Variants in CHODL observed in about 807,000 individuals in gnomAD.
CHODL encodes the protein chondrolectin.
A neutral mutation model predicts 34.5 loss-of-function variants in CHODL; 29 were observed. The ratio of observed to expected loss-of-function variants is 0.84; its 90% CI spans 0.63 to 1.15. CHODL has a LOEUF of 1.15. Among genes scored for constraint, CHODL ranks in the 50% most tolerant of loss-of-function variants. The probability of loss-of-function intolerance (pLI) is 0.00; values close to 1 mark genes in which losing one functional copy is unlikely to be tolerated. For missense variants in CHODL, 332 were observed against 332.5 expected (o/e 1.00, Z 0.01); for synonymous variants, 125 against 116.1 (o/e 1.08, Z -0.49).
At chr21:18,170,120 G>A (rs2073209526) in intron 2 of CHODL, among the ~76,000 whole-genome samples, 1 of 151,836 alleles carries the variant, frequency 6.6e-6, no homozygotes, top group African/African-American at 2.4e-5. Context: ...TTTGGTGCAT[G>A]TATATTTTCA....
chr21:18,210,764 A>G (rs1385836718), intron 2 of CHODL, among the ~76,000 whole-genome samples: 3 of 152,210 alleles, frequency 2.0e-5, no homozygotes, highest in East Asian at 1.9e-4. Context: ...ACTACTAAAC[A>G]GAAGCAAAAG....
intron 2 of CHODL, among the ~76,000 whole-genome samples, chr21:18,107,812 T>G (rs924986391): frequency 6.6e-6 from 1 of 152,168 alleles, no homozygotes; most frequent in African/African-American, 2.4e-5. Context: ...AAGGAAGAAT[T>G]TTTTTAAAAA....
Position 17,928,364 on chromosome 21 carries a change from G to C in CHODL, c.-145+10964G>C, listed in dbSNP as rs143366550. 7.3e-3 allele frequency among the ~76,000 whole-genome samples: 1,113 copies of C among 152,234 alleles called. 15 individuals are homozygous for C. The highest frequency in any genetic ancestry group is 0.025 in the African/African-American group (1,033 of 41,528). On this transcript the variant is annotated intron_variant, in intron 1 of 6. Coordinates refer to the CHODL transcript ENST00000400127. ...AAGTGCCATGTCCCGGGATTAAAAGGGTTCTGAAAAGGGAAAGTCAATAAG... is the reference window on the plus strand; with the variant it reads ...AAGTGCCATGTCCCGGGATTAAAAGCGTTCTGAAAAGGGAAAGTCAATAAG...
intron 1 of CHODL, among the ~76,000 whole-genome samples, chr21:17,935,953 C>T (rs1265682922): frequency 6.6e-6 from 1 of 152,184 alleles, no homozygotes; most frequent in Admixed American, 6.5e-5. Flanking sequence ...CTCTGAATTG[C>T]AGTTTGCCAT....
At chr21:18,127,665 T>C (rs2072589102) in intron 2 of CHODL, among the ~76,000 whole-genome samples, 3 of 145,114 alleles carry the variant, frequency 2.1e-5, no homozygotes, top group Admixed American at 1.4e-4. Flanking sequence ...CCAGTTGCGT[T>C]GCCATTGTTT....
chr21:18,054,516 A>G (rs2064555214), intron 2 of CHODL, among the ~76,000 whole-genome samples: 1 of 152,022 alleles, frequency 6.6e-6, no homozygotes, highest in African/African-American at 2.4e-5. Flanking sequence ...CAGAAGGATA[A>G]ATACTGTATG....
intron 1 of CHODL, among the ~76,000 whole-genome samples, chr21:17,921,993 G>GA (rs57361687): frequency 0.37 from 55,536 of 151,922 alleles, 10,290 homozygotes; most frequent in South Asian, 0.53. Flanking sequence ...CACAATAAAG[G>GA]AAAGTTATGA....
chr21:17,983,927 CA>C (rs1421752770), intron 1 of CHODL, among the ~76,000 whole-genome samples: 13 of 150,580 alleles, frequency 8.6e-5, no homozygotes, highest in African/African-American at 3.2e-4. Flanking sequence ...GGGGTGGGGG[CA>C]AGAACACTTA....
At chr21:18,020,607 G>A (rs929175753) in intron 1 of CHODL, among the ~76,000 whole-genome samples, 12 of 151,888 alleles carry the variant, frequency 7.9e-5, no homozygotes, top group African/African-American at 2.4e-4. Flanking sequence ...GTTCTTCTTC[G>A]CATAGAAAAC....
At chr21:17,960,352 G>T (rs1044489927) in intron 1 of CHODL, among the ~76,000 whole-genome samples, 2 of 152,124 alleles carry the variant, frequency 1.3e-5, no homozygotes, top group African/African-American at 4.8e-5. Flanking sequence ...TCAGTCAAGG[G>T]TATGTTAGAT....
intron 2 of CHODL, among the ~76,000 whole-genome samples, chr21:18,182,018 G>T (rs936860543): frequency 6.6e-6 from 1 of 151,992 alleles, no homozygotes. Context: ...TAATAATGCT[G>T]CTATGAACAT....
At chr21:18,193,706 AAAAAT>A (rs1342879056) in intron 2 of CHODL, among the ~76,000 whole-genome samples, 258 of 141,058 alleles carry the variant, frequency 1.8e-3, no homozygotes, top group Admixed American at 4.7e-3. Flanking sequence ...AGAAAAAAAA[AAAAAT>A]AAAATAAATA....
chr21:18,249,622 C>T (rs1324191561), intron 1 of CHODL, among the ~76,000 whole-genome samples: 2 of 152,016 alleles, frequency 1.3e-5, no homozygotes, highest in East Asian at 3.9e-4. Context: ...TTCATCAATC[C>T]CTTTTGTTCA....
intron 2 of CHODL, among the ~76,000 whole-genome samples, chr21:18,091,993 G>A (rs2146530769): frequency 6.6e-6 from 1 of 152,296 alleles, no homozygotes; most frequent in South Asian, 2.1e-4. Flanking sequence ...CTCCCAGGCA[G>A]CATCTCTGGA....
rs2063336099 is a variant in CHODL at position 17,938,496 on chromosome 21, G to GTTTTTTTTTTTTTTTTT, written c.-145+21096_-145+21097insTTTTTTTTTTTTTTTTT. Reference sequence around the variant, plus strand: ...TTTTTTTTTTTTTTTTTTTTTTTAAGGAAAGGGAGTCTCGCTCCATCGCCC... The same window carrying GTTTTTTTTTTTTTTTTT: ...TTTTTTTTTTTTTTTTTTTTTTTAAGTTTTTTTTTTTTTTTTTGAAAGGGAGTCTCGCTCCATCGCCC... On this transcript the variant is annotated intron_variant, in intron 1 of 6. Transcript: ENST00000400127. Among the ~76,000 whole-genome samples the GTTTTTTTTTTTTTTTTT allele has an allele frequency of 9.2e-5, 4 of 43,682 alleles. 1 individual carries two copies. The highest frequency in any genetic ancestry group is 3.7e-4 in the African/African-American group (4 of 10,956). 28.7% of individuals were successfully genotyped at this position (43,682 alleles called of 152,430 possible). A position where few individuals can be genotyped will look rare whatever the true frequency, so the allele number is the denominator to read the frequency against.
In CHODL at chr21:18,118,722, C is replaced by T. The variant is rs539938829; in HGVS notation, c.-45+90751C>T. On this transcript the variant is annotated intron_variant, in intron 2 of 6. Coordinates refer to the CHODL transcript ENST00000400127. Reference sequence around the variant, plus strand: ...CATCAAAACAACTCATTTTGAATTCCCCTAGCCCTTGTCTCTAATGACACT... The same window carrying T: ...CATCAAAACAACTCATTTTGAATTCTCCTAGCCCTTGTCTCTAATGACACT... Among the ~76,000 whole-genome samples, 17 of 152,236 alleles carry T rather than the reference C, an allele frequency of 1.1e-4. No homozygotes were observed. In the East Asian group the frequency reaches 2.9e-3, roughly 26 times the overall value.
intron 1 of CHODL, among the ~76,000 whole-genome samples, chr21:18,003,528 C>T (rs117524498): frequency 0.018 from 2,696 of 151,994 alleles, 69 homozygotes; most frequent in Middle Eastern, 0.051. Flanking sequence ...CTGAATAATG[C>T]GTGTTCATTT....
At chr21:17,930,900 T>C (rs2824560) in intron 1 of CHODL, among the ~76,000 whole-genome samples, 63,999 of 152,092 alleles carry the variant, frequency 0.42, 13,535 homozygotes, top group South Asian at 0.54. Context: ...AGAGATTCCA[T>C]GCTGAAGCCA....
intron 1 of CHODL, among the ~76,000 whole-genome samples, chr21:17,930,359 A>C (rs2063262309): frequency 6.6e-6 from 1 of 152,148 alleles, no homozygotes; most frequent in African/African-American, 2.4e-5. Flanking sequence ...AGTTGTAGGG[A>C]GGGAACAGGG....
Sources: allele counts gnomAD v4.1 joint callset (sites outside exome capture counted in the v4.1 genomes callset), GRCh38; gene constraint gnomAD v4.1.1; transcripts MANE v1.5; gene names NCBI Gene and HGNC (gene_info 2026-07-23, HGNC 2026-07-21).